The following RPS6KA4 variants were observed in gnomAD, a reference collection of about 807,000 sequenced individuals.
The protein encoded by RPS6KA4 is ribosomal protein S6 kinase alpha-4.
Under a neutral mutation model 89.6 loss-of-function variants are expected in RPS6KA4, and 38 were observed. That is an observed-to-expected ratio of 0.42 (90% confidence interval 0.33 to 0.56). The LOEUF is 0.56. Ranked by LOEUF, RPS6KA4 falls within the 20% of genes least tolerant of loss-of-function variation. The probability of loss-of-function intolerance (pLI) is 0.07; values close to 1 mark genes in which losing one functional copy is unlikely to be tolerated. For synonymous variants in RPS6KA4, 495 were observed against 492.8 expected (o/e 1.00, Z -0.06); for missense variants, 873 against 1,098.8 (o/e 0.79, Z 2.90).
At position 64,369,685 on chromosome 11, in the gene RPS6KA4, C is replaced by T. The variant is rs1475686855; in HGVS notation, c.1603-14C>T. On this transcript the variant is annotated splice_polypyrimidine_tract_variant and intron_variant, in intron 13 of 16. Coordinates refer to ENST00000334205, the MANE Select transcript of RPS6KA4 (RefSeq NM_003942.3). The stretch of plus-strand genomic sequence containing the variant: ...CGGGGGCTGCCTCTGACCACTACCC[C>T]GCCGCCCTCGCAGAACATCCTGTAC... The T allele has an allele frequency of 4.4e-6, 7 of 1,602,920 alleles. No individual in the cohort carries two copies. In the East Asian group the frequency reaches 6.7e-5, roughly 15 times the overall value.
Position 64,370,016 on chromosome 11 carries a change from G to T in RPS6KA4, c.1797+123G>T. ...TGGGGGCGGCTGGGTTTCGTCCGAAGCTGGGATCGGGGTGGTTCAAATACA... is the reference window on the plus strand; with the variant it reads ...TGGGGGCGGCTGGGTTTCGTCCGAATCTGGGATCGGGGTGGTTCAAATACA... On this transcript the variant is annotated intron_variant, in intron 14 of 16. Transcript: ENST00000334205. The surrounding 1 kb of genome is among the most constrained non-coding windows in gnomAD (Gnocchi z 4.1). The T allele has an allele frequency of 8.4e-7, 1 of 1,191,160 alleles. No homozygotes were observed. Among genetic ancestry groups the T allele is most frequent in the Non-Finnish European group, 1.1e-6 (1 of 877,944 alleles). 73.8% of individuals were successfully genotyped at this position (1,191,160 alleles called of 1,614,324 possible). A position where few individuals can be genotyped will look rare whatever the true frequency, so the allele number is the denominator to read the frequency against.
intron 8 of RPS6KA4, among the ~76,000 whole-genome samples, chr11:64,364,047 CT>C (rs1409877523): frequency 6.6e-6 from 1 of 151,954 alleles, no homozygotes; most frequent in Non-Finnish European, 1.5e-5. Context: ...ACTTATTTTT[CT>C]TTTCACATAA....
rs971196735 is a variant in RPS6KA4 at position 64,368,278 on chromosome 11, G to A, written c.1200+18G>A. ...TGATGCAGGTGGGCTGGGCTGGGCT[G>A]GGTTGGGGGGAAATTGGTTTTAGGA... On this transcript the variant is annotated intron_variant, in intron 10 of 16. Coordinates refer to ENST00000334205, the MANE Select transcript of RPS6KA4 (RefSeq NM_003942.3). 1 of 1,611,994 alleles carries A rather than the reference G, an allele frequency of 6.2e-7. No homozygotes were observed.
chr11:64,369,367 C>T, intron 12 of RPS6KA4, 79 bp from the exon 13 acceptor site: 2 of 1,417,610 alleles, frequency 1.4e-6, no homozygotes, highest in Non-Finnish European at 1.9e-6. Context: ...GCCCGAAGGC[C>T]GGGGGCGGGG....
Position 64,360,333 on chromosome 11 carries a change from A to G in RPS6KA4, c.298A>G (p.Thr100Ala). Residue 100 changes from threonine to alanine, a missense_variant, in exon 3 of 17, where the codon ACG becomes GCG. Physicochemically the swap from Thr to Ala is moderately conservative, Grantham distance 58. Around this residue, in one of 4 missense-constraint regions of RPS6KA4, gnomAD observed 542 missense variants for 736.4 expected, o/e 0.74. Coordinates refer to ENST00000334205, the MANE Select transcript of RPS6KA4 (RefSeq NM_003942.3). ...GGTGCGCCAGGCGCCCTTCCTGGTC[A>G]CGCTGCACTACGCTTTCCAGACGGA... The part of the protein sequence containing the change: ...ELVRQAPFLV[T>A]LHYAFQTDAK... The G allele has an allele frequency of 6.5e-7, 1 of 1,549,510 alleles. No individual in the cohort carries two copies.
At chr11:64,369,341 C>T in intron 12 of RPS6KA4, 105 bp from the exon 13 acceptor site, 1 of 1,246,722 alleles carries the variant, frequency 8.0e-7, no homozygotes, top group Non-Finnish European at 1.1e-6. Context: ...GGAGGGGGTT[C>T]TCGAACATTG....
At chr11:64,365,541 G>A (rs533144586) in intron 9 of RPS6KA4, 76 bp downstream of exon 9, 2 of 1,534,738 alleles carry the variant, frequency 1.3e-6, no homozygotes, top group East Asian at 2.3e-5. Context: ...GCTGGCCCGA[G>A]GACACTGCCT....
intron 10 of RPS6KA4, 79 bp downstream of exon 10, chr11:64,368,339 A>G (rs1591317644): frequency 2.6e-6 from 4 of 1,562,956 alleles, no homozygotes; most frequent in African/African-American, 2.7e-5. Flanking sequence ...CCTAGATCCA[A>G]CTGGCGCCCG....
At chr11:64,359,748 T>G in intron 2 of RPS6KA4, 1 of 540,300 alleles carries the variant, frequency 1.9e-6, no homozygotes, top group Non-Finnish European at 3.3e-6. Flanking sequence ...CTCCCTTTCT[T>G]CCAATATGGG....
At position 64,368,809 on chromosome 11, in the gene RPS6KA4, CGGCCAGG is replaced by C; in HGVS notation, c.1428+15_1428+21del. The C allele has an allele frequency of 6.5e-7, 1 of 1,539,162 alleles. No homozygotes were observed. The highest frequency in any genetic ancestry group is 1.2e-5 in the South Asian group (1 of 84,138). Reference sequence around the variant, plus strand: ...TGCATCACGACCAGGTGATGGCTTCCGGCCAGGGGAGGGCGGAGAGAAAAGGGGCAGG... The same window carrying C: ...TGCATCACGACCAGGTGATGGCTTCCGGAGGGCGGAGAGAAAAGGGGCAGG... On this transcript the variant is annotated intron_variant, in intron 12 of 16. Coordinates refer to ENST00000334205, the MANE Select transcript of RPS6KA4 (RefSeq NM_003942.3).
At chr11:64,365,522 T>C in intron 9 of RPS6KA4, 57 bp downstream of exon 9, 1 of 1,597,268 alleles carries the variant, frequency 6.3e-7, no homozygotes, top group Non-Finnish European at 8.6e-7. Context: ...GCTGTCTGCC[T>C]CAGCCCTGGC....
intron 2 of RPS6KA4, chr11:64,359,707 T>G (rs1476089589): frequency 1.8e-6 from 1 of 562,042 alleles, no homozygotes; most frequent in African/African-American, 1.9e-5. Context: ...GGAGGGGGAC[T>G]GGCGCCCCTC....
rs1456403528 is a variant in RPS6KA4 at position 64,369,491 on chromosome 11, C to T, written c.1474C>T (p.Leu492=). The T allele has an allele frequency of 1.8e-5, 29 of 1,610,064 alleles. No homozygotes were observed. The highest frequency in any genetic ancestry group is 2.2e-5 in the Non-Finnish European group (26 of 1,179,066). ...GGAGCTGCTGCGGGGCGGGGAGCTG[C>T]TGGAGCACATCCGCAAGAAGCGGCA... ...VLELLRGGEL[L]EHIRKKRHFS... The change falls in exon 13 of 17, where the codon CTG becomes TTG. Residue 492 remains leucine, a synonymous_variant. Coordinates refer to ENST00000334205, the MANE Select transcript of RPS6KA4 (RefSeq NM_003942.3).
At chr11:64,359,726 T>C (rs1408155139) in intron 2 of RPS6KA4, 4 of 555,742 alleles carry the variant, frequency 7.2e-6, no homozygotes, top group Non-Finnish European at 9.6e-6. Context: ...TCTCAAGTGA[T>C]TTGCATAGCT....
At chr11:64,368,842 C>A in intron 12 of RPS6KA4, 45 bp downstream of exon 12, 3 of 779,596 alleles carry the variant, frequency 3.8e-6, no homozygotes, top group South Asian at 3.6e-5. Context: ...AAGGGGCAGG[C>A]GGCGGGGCTT....
chr11:64,370,621 G>C lies in RPS6KA4; in HGVS notation c.2016G>C (p.Ser672=), dbSNP rs770659932. 2 of 1,582,328 alleles carry C rather than the reference G, an allele frequency of 1.3e-6. No individual in the cohort carries two copies. Among genetic ancestry groups the C allele is most frequent in the South Asian group, 1.1e-5 (1 of 88,780 alleles). Residue 672 remains serine, a synonymous_variant, in exon 16 of 17, where the codon TCG becomes TCC. Transcript: ENST00000334205. The surrounding 1 kb of genome is among the most constrained non-coding windows in gnomAD (Gnocchi z 4.1). ...AGCTCGAGGGACTGCGGGGCAGCTC[G>C]TGGCTGCAGGACGGCAGCGCGCGCT... is the stretch of plus-strand genomic sequence containing the variant. ...RLKLEGLRGS[S]WLQDGSARSS...
Position 64,365,459 on chromosome 11 carries a change from C to G in RPS6KA4, c.1065C>G (p.Ile355Met), listed in dbSNP as rs751448590. The change falls in exon 9 of 17, where the codon ATC becomes ATG. Residue 355 changes from isoleucine to methionine, a missense_variant. By Grantham distance (10) the Ile-to-Met change is conservative (BLOSUM62 1). This residue lies in a region of RPS6KA4 where 542 missense variants were observed against 736.4 expected (regional missense o/e 0.74). Transcript: ENST00000334205. The stretch of plus-strand genomic sequence containing the variant: ...GCCCCCCACCTGGGGACCCCCGAAT[C>G]TTTCAGGTGAGGGGAAACTCATGGA... ...PGSPPPGDPR[I>M]FQGYSFVAPS... The G allele has an allele frequency of 6.2e-7, 1 of 1,613,822 alleles. No individual in the cohort carries two copies. The highest frequency in any genetic ancestry group is 8.5e-7 in the Non-Finnish European group (1 of 1,179,972).
At position 64,370,976 on chromosome 11, in the gene RPS6KA4, C is replaced by T. The variant is rs999011132; in HGVS notation, c.2121+250C>T. 2.8e-4 allele frequency among the ~76,000 whole-genome samples: 42 copies of T among 152,026 alleles called. No individual in the cohort carries two copies. The highest frequency in any genetic ancestry group is 8.9e-4 in the African/African-American group (37 of 41,468). On this transcript the variant is annotated intron_variant, in intron 16 of 16. Coordinates refer to ENST00000334205, the MANE Select transcript of RPS6KA4 (RefSeq NM_003942.3). This position sits in a 1 kb window ranked among gnomAD's most constrained non-coding sequence, Gnocchi z 4.1. ...AAAATTAGCCGGGTGTGGTGGCGCG[C>T]GCCTGTAATCCCAGCTACTCAGGAG...
chr11:64,369,343 C>T (rs958642587), intron 12 of RPS6KA4, 103 bp from the exon 13 acceptor site: 2 of 1,272,988 alleles, frequency 1.6e-6, no homozygotes, highest in Non-Finnish European at 1.0e-6. Context: ...AGGGGGTTCT[C>T]GAACATTGGC....
Sources: allele counts gnomAD v4.1 joint callset (sites outside exome capture counted in the v4.1 genomes callset), GRCh38; gene constraint gnomAD v4.1.1; regional missense constraint gnomAD v4.1.1; non-coding constraint Gnocchi (gnomAD v3.1); transcripts MANE v1.5; gene names NCBI Gene and HGNC (gene_info 2026-07-23, HGNC 2026-07-21).